Variants in ADAM22 observed in about 807,000 individuals in gnomAD.
ADAM22 encodes ADAM metallopeptidase domain 22.
In ADAM22, 65 loss-of-function variants were observed where a neutral mutation model predicts 144.6. The ratio of observed to expected loss-of-function variants is 0.45; its 90% CI spans 0.37 to 0.55. The LOEUF (loss-of-function observed/expected upper bound fraction) is 0.55. ADAM22 is among the 20% of genes least tolerant of loss of function. The probability of loss-of-function intolerance (pLI) is 0.00; values close to 1 mark genes in which losing one functional copy is unlikely to be tolerated. For missense variants in ADAM22, 974 were observed against 1,184.9 expected, an observed-to-expected ratio of 0.82 and a Z score of 2.61; for synonymous variants, 391 against 412.6, an observed-to-expected ratio of 0.95 and a Z score of 0.63.
intron 3 of ADAM22, among the ~76,000 whole-genome samples, chr7:88,030,065 C>T (rs1024987711): frequency 2.0e-5 from 3 of 152,110 alleles, no homozygotes; most frequent in Non-Finnish European, 4.4e-5. Context: ...TCTACCTGCC[C>T]TCATCTCTAC....
At chr7:88,195,813 G>A (rs567889316) in intron 31 of ADAM22, among the ~76,000 whole-genome samples, 55 of 152,246 alleles carry the variant, frequency 3.6e-4, no homozygotes, top group African/African-American at 1.3e-3. Context: ...CACCACGCCC[G>A]GCTGAGAGAA....
chr7:88,067,818 AGAAGTAACAAAAATAGCCTCACCTTTAG>A (rs1429237417), intron 3 of ADAM22, among the ~76,000 whole-genome samples: 1 of 152,184 alleles, frequency 6.6e-6, no homozygotes, highest in South Asian at 2.1e-4. Flanking sequence ...CTTCCTCAAT[AGAAGTAACAAAAATAGCCTCACCTTTAG>A]ACACAGGGGT....
intron 3 of ADAM22, among the ~76,000 whole-genome samples, chr7:88,050,167 T>G (rs1805824567): frequency 6.7e-6 from 1 of 148,320 alleles, no homozygotes; most frequent in Admixed American, 6.8e-5. Context: ...GAAGATAACT[T>G]GAAGCCAAGA....
At chr7:88,085,387 A>T (rs1167062581) in intron 4 of ADAM22, among the ~76,000 whole-genome samples, 4 of 152,208 alleles carry the variant, frequency 2.6e-5, no homozygotes, top group Non-Finnish European at 5.9e-5. Context: ...GGTGTCTTTG[A>T]ACTTTTGGTA....
At chr7:88,111,748 A>G (rs1041655237) in intron 5 of ADAM22, among the ~76,000 whole-genome samples, 2 of 152,206 alleles carry the variant, frequency 1.3e-5, no homozygotes, top group African/African-American at 2.4e-5. Context: ...TAGGATTTAT[A>G]TAAGTAAAAC....
chr7:88,067,242 C>CT (rs75519498), intron 3 of ADAM22, among the ~76,000 whole-genome samples: 76 of 138,006 alleles, frequency 5.5e-4, no homozygotes, highest in South Asian at 2.1e-3. Context: ...GGTACCTTGG[C>CT]TTTTTTTTTT....
At chr7:88,168,105 T>A in intron 24 of ADAM22, 32 bp from the exon 25 acceptor site, 1 of 1,587,322 alleles carries the variant, frequency 6.3e-7, no homozygotes, top group Non-Finnish European at 8.6e-7. Flanking sequence ...TTTATACCAC[T>A]GATCTTCCTT....
chr7:88,166,606 C>T (rs1037916210), intron 24 of ADAM22, among the ~76,000 whole-genome samples: 2 of 152,058 alleles, frequency 1.3e-5, no homozygotes, highest in Non-Finnish European at 2.9e-5. Context: ...AGATAATGCT[C>T]AAATCCTAAA....
At chr7:88,079,641 G>T (rs1815861107) in intron 4 of ADAM22, among the ~76,000 whole-genome samples, 1 of 152,162 alleles carries the variant, frequency 6.6e-6, no homozygotes, top group South Asian at 2.1e-4. Flanking sequence ...AAAGTAAAGG[G>T]ATGGAGGAAG....
At chr7:88,129,279 A>C (rs776360091) in intron 9 of ADAM22, among the ~76,000 whole-genome samples, 1 of 152,080 alleles carries the variant, frequency 6.6e-6, no homozygotes, top group Non-Finnish European at 1.5e-5. Flanking sequence ...CACAGCAATG[A>C]GTTATAATGC....
Position 88,114,636 on chromosome 7 carries a change from G to A in ADAM22, c.526G>A (p.Asp176Asn). ...ATATCTCATTGAGCCAGAAGAAAAT[G>A]ACACTACTCAAGTAAGTGCTCCTTC... is the stretch of plus-strand genomic sequence containing the variant. ...HTYLIEPEEN[D>N]TTQEDFHFHS... The change falls in exon 6 of 32, where the codon GAC (aspartate) becomes AAC (asparagine). Residue 176 changes from aspartate to asparagine, a missense_variant. Physicochemically the swap from Asp to Asn is conservative, Grantham distance 23. Transcript: ENST00000413139. 6.2e-7 allele frequency: 1 copy of A among 1,613,796 alleles called. No homozygotes were observed.
At position 87,958,109 on chromosome 7, in the gene ADAM22, T is replaced by C. The variant is rs1380040698; in HGVS notation, c.247-20227T>C. Among the ~76,000 whole-genome samples the C allele has an allele frequency of 3.3e-5, 5 of 152,318 alleles. No individual in the cohort carries two copies. In the East Asian group the frequency reaches 9.6e-4, roughly 29 times the overall value. On this transcript the variant is annotated intron_variant, in intron 2 of 31. Transcript: ENST00000413139. ...CATTTATTCATTTTCCCATTAGTAGTATTTATAGCGTATTTATTCTGTTTC... is the reference window on the plus strand; with the variant it reads ...CATTTATTCATTTTCCCATTAGTAGCATTTATAGCGTATTTATTCTGTTTC...
chr7:88,031,963 G>A (rs1417292652), intron 3 of ADAM22, among the ~76,000 whole-genome samples: 1 of 152,246 alleles, frequency 6.6e-6, no homozygotes, highest in African/African-American at 2.4e-5. Flanking sequence ...AGCAAGAGTT[G>A]AGGCTTGGGT....
intron 26 of ADAM22, among the ~76,000 whole-genome samples, chr7:88,173,478 A>C (rs1479507602): frequency 6.6e-6 from 1 of 152,124 alleles, no homozygotes; most frequent in Non-Finnish European, 1.5e-5. Context: ...ACTTTAGATC[A>C]GGAAGTTGTG....
intron 31 of ADAM22, among the ~76,000 whole-genome samples, chr7:88,195,551 A>G (rs1850486777): frequency 6.6e-6 from 1 of 152,042 alleles, no homozygotes. Flanking sequence ...AGTCTCGCTC[A>G]GTCGCCCAGG....
At chr7:88,037,115 A>G (rs1047218101) in intron 3 of ADAM22, among the ~76,000 whole-genome samples, 1 of 152,120 alleles carries the variant, frequency 6.6e-6, no homozygotes, top group Non-Finnish European at 1.5e-5. Context: ...TGATGCTATT[A>G]TGAACATATT....
chr7:87,978,856 T>A (rs1288241696), intron 3 of ADAM22, among the ~76,000 whole-genome samples: 1 of 152,168 alleles, frequency 6.6e-6, no homozygotes, highest in Non-Finnish European at 1.5e-5. Context: ...TGCTTTGATG[T>A]GGTGGTGGAT....
chr7:87,989,144 T>A (rs953981180), intron 3 of ADAM22, among the ~76,000 whole-genome samples: 1 of 152,198 alleles, frequency 6.6e-6, no homozygotes, highest in Non-Finnish European at 1.5e-5. Flanking sequence ...AGGTGAAATA[T>A]AACATATAGG....
intron 8 of ADAM22, among the ~76,000 whole-genome samples, chr7:88,126,960 C>G (rs1352500537): frequency 6.6e-6 from 1 of 151,884 alleles, no homozygotes; most frequent in African/African-American, 2.4e-5. Flanking sequence ...GAAGCCTGGT[C>G]TCAGAGAGGT....
Sources: gnomAD v4.1 joint callset for allele counts (sites outside exome capture counted in the v4.1 genomes callset) on GRCh38, gnomAD v4.1.1 for gene constraint, MANE v1.5 for transcripts, NCBI Gene and HGNC (gene_info 2026-07-23, HGNC 2026-07-21) for gene names.